The following TTC24 variants were observed in gnomAD, a reference collection of about 807,000 sequenced individuals.
The protein encoded by TTC24 is tetratricopeptide repeat protein 24.
TTC24 carries 54 observed loss-of-function variants against 63.3 expected under a neutral mutation model. The ratio of observed to expected loss-of-function variants is 0.85; its 90% CI spans 0.69 to 1.07. TTC24 has a LOEUF of 1.07. TTC24 is among the 50% of genes least tolerant of loss of function. TTC24 has a pLI of 0.00. For synonymous variants in TTC24, 276 were observed against 304.3 expected, an observed-to-expected ratio of 0.91 and a Z score of 0.97; for missense variants, 680 against 730.5, an observed-to-expected ratio of 0.93 and a Z score of 0.80.
At position 156,586,782 on chromosome 1, in the gene TTC24, G is replaced by A; in HGVS notation, c.*232G>A. The A allele has an allele frequency of 2.7e-6, 1 of 374,436 alleles. No homozygotes were observed. The highest frequency in any genetic ancestry group is 4.9e-6 in the Non-Finnish European group (1 of 205,934). 23.2% of individuals were successfully genotyped at this position (374,436 alleles called of 1,614,324 possible). ...TGGACTCAGTAGGTAAAAGAAAAAA[G>A]GAAAATGGATGGCAAATTCCCTGTC... On this transcript the variant is annotated 3_prime_UTR_variant, in exon 11 of 11. Coordinates refer to ENST00000368236, the MANE Select transcript of TTC24 (RefSeq NM_001105669.4).
rs370564366 is a variant in TTC24 at position 156,582,282 on chromosome 1, C to A, written c.758C>A (p.Pro253Gln). 3 of 1,561,736 alleles carry A rather than the reference C, an allele frequency of 1.9e-6. No homozygotes were observed. Among genetic ancestry groups the A allele is most frequent in the African/African-American group, 2.7e-5 (2 of 73,534 alleles). Residue 253 changes from proline to glutamine, a missense_variant, in exon 3 of 11, where the codon CCG becomes CAG. Coordinates refer to ENST00000368236, the MANE Select transcript of TTC24 (RefSeq NM_001105669.4). ...GGCTACTCCCAGCTCCAGCTGTTCC[C>A]GCTGGCCGTGGAGGCCTTCCTGCAG... is the stretch of plus-strand genomic sequence containing the variant. ...GLGYSQLQLF[P>Q]LAVEAFLQAL...
At chr1:156,582,158 G>A in intron 2 of TTC24, 73 bp from the exon 3 acceptor site, 4 of 1,470,944 alleles carry the variant, frequency 2.7e-6, no homozygotes, top group Non-Finnish European at 3.6e-6. Flanking sequence ...GAACCCTGGA[G>A]GAGTCGATAG....
At chr1:156,585,337 G>T in intron 8 of TTC24, 106 bp downstream of exon 8, 1 of 774,578 alleles carries the variant, frequency 1.3e-6, no homozygotes, top group Non-Finnish European at 1.8e-6. Context: ...CCACCATCCC[G>T]CCTTCCTGTT....
intron 9 of TTC24, 31 bp downstream of exon 9, chr1:156,585,857 A>C: frequency 6.3e-7 from 1 of 1,595,710 alleles, no homozygotes. Context: ...CACCGCCCCA[A>C]CTCGTGGTTC....
chr1:156,580,312 C>T (rs916564056), intron 1 of TTC24, among the ~76,000 whole-genome samples: 4 of 152,130 alleles, frequency 2.6e-5, no homozygotes, highest in African/African-American at 9.7e-5. Flanking sequence ...TAGTGTGGTT[C>T]CTAGCACATA....
intron 8 of TTC24, 21 bp downstream of exon 8, chr1:156,585,252 C>G: frequency 6.4e-7 from 1 of 1,571,952 alleles, no homozygotes; most frequent in Non-Finnish European, 8.7e-7. Context: ...GTAGAGTATT[C>G]CTGGCGGTGC....
Position 156,585,093 on chromosome 1 carries a change from C to A in TTC24, c.1350-32C>A, listed in dbSNP as rs1017480654. The A allele has an allele frequency of 1.9e-6, 3 of 1,585,410 alleles. No individual in the cohort carries two copies. The African/African-American group carries it at 4.0e-5, about 21-fold the overall frequency. ...GAAGGAGGGGACTGGTGTCGCTCTG[C>A]CAAGCTGTGCCCTGGTTCCTTGCCC... On this transcript the variant is annotated intron_variant, in intron 7 of 10. Coordinates refer to ENST00000368236, the MANE Select transcript of TTC24 (RefSeq NM_001105669.4).
rs1253175498 is a variant in TTC24, at chr1:156,587,490, T to C, written c.*940T>C. 6.6e-6 allele frequency among the ~76,000 whole-genome samples: 1 copy of C among 152,220 alleles called. No homozygotes were observed. The highest frequency in any genetic ancestry group is 1.9e-4 in the East Asian group (1 of 5,190). ...ATTGTGATTTAATATCAAGTGTGTC[T>C]ATGCCCGTTGTATGTGTTATTGTAA... On this transcript the variant is annotated 3_prime_UTR_variant, in exon 11 of 11. Coordinates refer to ENST00000368236, the MANE Select transcript of TTC24 (RefSeq NM_001105669.4).
rs1004006646 is a variant in TTC24 at position 156,581,996 on chromosome 1, G to C, written c.632G>C (p.Arg211Pro). ...AGCMLKSGRH[R>P]VGEVVQVLEK... is the part of the protein sequence containing the mutation. ...TGTATGCTGAAGAGTGGGCGGCATC[G>C]GGTGGGGGAAGTTGTGCAGGTGCTG... The change falls in exon 2 of 11, where the codon CGG becomes CCG. Residue 211 changes from arginine to proline, a missense_variant. Coordinates refer to ENST00000368236, the MANE Select transcript of TTC24 (RefSeq NM_001105669.4). 1 of 1,505,834 alleles carries C rather than the reference G, an allele frequency of 6.6e-7. No individual in the cohort carries two copies. The highest frequency in any genetic ancestry group is 1.4e-5 in the African/African-American group (1 of 70,812). 93.3% of individuals were successfully genotyped at this position (1,505,834 alleles called of 1,614,324 possible). A position where few individuals can be genotyped will look rare whatever the true frequency, so the allele number is the denominator to read the frequency against.
At position 156,583,986 on chromosome 1, in the gene TTC24, T is replaced by G. The variant is rs1285124407; in HGVS notation, c.1251+91T>G. 1.8e-6 allele frequency: 2 copies of G among 1,091,838 alleles called. No homozygotes were observed. Among genetic ancestry groups the G allele is most frequent in the African/African-American group, 3.1e-5 (2 of 64,110 alleles). The allele number at this position is 1,091,838 out of a possible 1,614,324, so 67.6% of individuals were successfully genotyped here. On this transcript the variant is annotated intron_variant, in intron 6 of 10. Coordinates refer to ENST00000368236, the MANE Select transcript of TTC24 (RefSeq NM_001105669.4). The surrounding 1 kb of genome is among the most constrained non-coding windows in gnomAD (Gnocchi z 4.0). ...TAAGCAGAGACGCTGTTCCCTGGGA[T>G]GCTGCGCGCTTGGCCGCTCATCTGT...
At chr1:156,579,789 C>T (rs1274499006) in intron 1 of TTC24, 31 bp downstream of exon 1, 1 of 152,126 alleles carries the variant, frequency 6.6e-6, no homozygotes, top group African/African-American at 2.4e-5. Flanking sequence ...GATCCCCACA[C>T]TGGATGGGGG....
chr1:156,583,158 G>T lies in TTC24; in HGVS notation c.1027G>T (p.Ala343Ser). Residue 343 changes from alanine to serine, a missense_variant, in exon 4 of 11, where the codon GCC becomes TCC. Physicochemically the swap from Ala to Ser is moderately conservative, Grantham distance 99. Transcript: ENST00000368236. This position sits in a 1 kb window ranked among gnomAD's most constrained non-coding sequence, Gnocchi z 4.0. Reference sequence around the variant, plus strand: ...CAACTACCTGCATGCCCTGCAGGCTGCCCGGGACTCTGGTAAGCGTGAGAG... The same window carrying T: ...CAACTACCTGCATGCCCTGCAGGCTTCCCGGGACTCTGGTAAGCGTGAGAG... ...RDNYLHALQA[A>S]RDSGDMKGQW... 6.2e-7 allele frequency: 1 copy of T among 1,612,356 alleles called. No homozygotes were observed.
rs775531969 is a variant in TTC24 at position 156,585,087 on chromosome 1, G to A, written c.1350-38G>A. The A allele has an allele frequency of 5.1e-6, 8 of 1,576,428 alleles. No individual in the cohort carries two copies. The Admixed American group carries it at 5.3e-5, about 10-fold the overall frequency. The stretch of plus-strand genomic sequence containing the variant: ...CCCCAGGAAGGAGGGGACTGGTGTC[G>A]CTCTGCCAAGCTGTGCCCTGGTTCC... On this transcript the variant is annotated intron_variant, in intron 7 of 10. Transcript: ENST00000368236.
chr1:156,585,587 C>T, intron 8 of TTC24, 126 bp from the exon 9 acceptor site: 3 of 721,474 alleles, frequency 4.2e-6, no homozygotes, highest in Non-Finnish European at 7.4e-6. Flanking sequence ...CAACACAGCG[C>T]TGGGTGCTGT....
Position 156,584,981 on chromosome 1 carries a change from G to A in TTC24, c.1349+7G>A, listed in dbSNP as rs779450042. 8 of 1,585,764 alleles carry A rather than the reference G, an allele frequency of 5.0e-6. No individual in the cohort carries two copies. Among genetic ancestry groups the A allele is most frequent in the Non-Finnish European group, 6.9e-6 (8 of 1,165,980 alleles). On this transcript the variant is annotated splice_region_variant and intron_variant, in intron 7 of 10. Transcript: ENST00000368236. ...CAGCAGGTGTCCAGCACAGGTGAGGGTGGGAATGGTGCAGCAGAGATGCAT... is the reference window on the plus strand; with the variant it reads ...CAGCAGGTGTCCAGCACAGGTGAGGATGGGAATGGTGCAGCAGAGATGCAT...
chr1:156,586,629 C>A lies in TTC24; in HGVS notation c.*79C>A. On this transcript the variant is annotated 3_prime_UTR_variant, in exon 11 of 11. Transcript: ENST00000368236. ...ACACTAGGGGGTCCTGGGGACCAAGCCTCTTCCCAGTTGCTCAGCCCTGCA... is the reference window on the plus strand; with the variant it reads ...ACACTAGGGGGTCCTGGGGACCAAGACTCTTCCCAGTTGCTCAGCCCTGCA... 1 of 1,316,148 alleles carries A rather than the reference C, an allele frequency of 7.6e-7. No homozygotes were observed. The highest frequency in any genetic ancestry group is 1.1e-6 in the Non-Finnish European group (1 of 931,026). 81.5% of individuals were successfully genotyped at this position (1,316,148 alleles called of 1,614,324 possible).
rs1677107715 is a variant in TTC24 at position 156,584,896 on chromosome 1, T to C, written c.1271T>C (p.Leu424Pro). 2.5e-6 allele frequency: 4 copies of C among 1,590,870 alleles called. No homozygotes were observed. In the South Asian group the frequency reaches 3.4e-5, roughly 14 times the overall value. Reference protein sequence around the residue: ...THTLTSAPGRLQAPGGASQAE... With the variant: ...THTLTSAPGRPQAPGGASQAE... ...TCCCAGACTTCGGCTCCGGGAAGAC[T>C]CCAGGCTCCAGGTGGGGCCAGCCAG... The change falls in exon 7 of 11, where the codon CTC (leucine) becomes CCC (proline). Residue 424 changes from leucine (L) to proline (P), a missense_variant. Leu to Pro is a moderately conservative substitution (Grantham distance 98). Transcript: ENST00000368236.
At chr1:156,585,514 T>C in intron 8 of TTC24, 199 bp from the exon 9 acceptor site, 1 of 610,332 alleles carries the variant, frequency 1.6e-6, no homozygotes, top group African/African-American at 1.9e-5. Flanking sequence ...TCTCATGGCT[T>C]TCCTAACTTC....
chr1:156,586,006 A>G lies in TTC24; in HGVS notation c.1628A>G (p.Tyr543Cys). 1 of 1,583,876 alleles carries G rather than the reference A, an allele frequency of 6.3e-7. No individual in the cohort carries two copies. Among genetic ancestry groups the G allele is most frequent in the Non-Finnish European group, 8.6e-7 (1 of 1,164,864 alleles). ...GGTCCAGGCCCTCCCAGAGCGGAGT[A>G]CCCTAGCATCTTGGTACCCAATGGC... ...FVGPGPPRAEYPSILVPNGPQ... is the reference protein window; with the variant it reads ...FVGPGPPRAECPSILVPNGPQ... The change falls in exon 10 of 11, where the codon TAC becomes TGC. Residue 543 changes from tyrosine (Y) to cysteine (C), a missense_variant. By Grantham distance (194) the Tyr-to-Cys change is radical. Transcript: ENST00000368236.
Sources: allele counts gnomAD v4.1 joint callset (sites outside exome capture counted in the v4.1 genomes callset), GRCh38; gene constraint gnomAD v4.1.1; non-coding constraint Gnocchi (gnomAD v3.1); transcripts MANE v1.5; gene names NCBI Gene and HGNC (gene_info 2026-07-23, HGNC 2026-07-21).